PCDHGA5: variants seen among roughly 807,000 people sequenced by gnomAD.
PCDHGA5 encodes protocadherin gamma-A5.
Under a neutral mutation model 56.7 loss-of-function variants are expected in PCDHGA5, and 36 were observed. That is an observed-to-expected ratio of 0.64 (90% CI 0.49 to 0.84). The LOEUF (loss-of-function observed/expected upper bound fraction) is 0.84. Ranked by LOEUF, PCDHGA5 falls within the 40% of genes least tolerant of loss-of-function variation. The pLI is 0.00. For missense variants in PCDHGA5, 1,305 were observed against 1,201.5 expected (o/e 1.09, Z -1.27); for synonymous variants, 563 against 520.2 (o/e 1.08, Z -1.12).
Position 141,431,972 on chromosome 5 carries a change from G to T in PCDHGA5, c.2422-62835G>T, listed in dbSNP as rs750484866. On this transcript the variant is annotated intron_variant, in intron 1 of 3. Coordinates refer to ENST00000518069, the MANE Select transcript of PCDHGA5 (RefSeq NM_018918.3). The surrounding 1 kb of genome is among the most constrained non-coding windows in gnomAD (Gnocchi z 4.8). ...ATCTTACGGAAATTACTATAGTTTA[G>T]TCACAGACATAGTCTTGGATAGGGA... is the stretch of plus-strand genomic sequence containing the variant. The T allele has an allele frequency of 8.1e-6, 13 of 1,614,072 alleles. No homozygotes were observed. Among genetic ancestry groups the T allele is most frequent in the Non-Finnish European group, 1.1e-5 (13 of 1,180,028 alleles).
chr5:141,383,853 G>A (rs942698942), intron 1 of PCDHGA5: 7 of 1,613,828 alleles, frequency 4.3e-6, no homozygotes, highest in African/African-American at 2.7e-5. Flanking sequence ...ATGAAATGGA[G>A]GTTCAGGCTC....
chr5:141,477,066 T>C lies in PCDHGA5; in HGVS notation c.2422-17741T>C. ...CGGCTGGACTTCGAGGACACCAAAC[T>C]CCATGAGATTTACATCCAGGCCAAA... On this transcript the variant is annotated intron_variant, in intron 1 of 3. Coordinates refer to ENST00000518069, the MANE Select transcript of PCDHGA5 (RefSeq NM_018918.3). This position sits in a 1 kb window ranked among gnomAD's most constrained non-coding sequence, Gnocchi z 4.9. 6.2e-7 allele frequency: 1 copy of C among 1,614,148 alleles called. No homozygotes were observed. The highest frequency in any genetic ancestry group is 8.5e-7 in the Non-Finnish European group (1 of 1,180,028).
chr5:141,395,124 C>T, intron 1 of PCDHGA5: 2 of 1,614,194 alleles, frequency 1.2e-6, no homozygotes, highest in Non-Finnish European at 1.7e-6. Context: ...CCTGATCTTT[C>T]CCCAGCCCAA....
Position 141,423,752 on chromosome 5 carries a change from G to A in PCDHGA5, c.2421+57001G>A, listed in dbSNP as rs749899386. 4.7e-6 allele frequency: 3 copies of A among 644,956 alleles called. 1 individual carries two copies. The highest frequency in any genetic ancestry group is 1.1e-4 in the South Asian group (2 of 17,914). 40.0% of individuals were successfully genotyped at this position (644,956 alleles called of 1,614,324 possible). ...TTGAGCCTGTTATGAAAACTGTTTGGGGGGGGGGTGGGGCGGCATATATTT... is the reference window on the plus strand; with the variant it reads ...TTGAGCCTGTTATGAAAACTGTTTGAGGGGGGGGTGGGGCGGCATATATTT... On this transcript the variant is annotated intron_variant, in intron 1 of 3. Transcript: ENST00000518069.
At chr5:141,444,752 T>C (rs1376810825) in intron 1 of PCDHGA5, among the ~76,000 whole-genome samples, 2 of 152,228 alleles carry the variant, frequency 1.3e-5, no homozygotes, top group Non-Finnish European at 2.9e-5. Context: ...CTGATATATG[T>C]AGTTCTATTT....
At chr5:141,478,295 T>C (rs1210224121) in intron 1 of PCDHGA5, 5 of 1,614,004 alleles carry the variant, frequency 3.1e-6, no homozygotes, top group African/African-American at 2.7e-5. Flanking sequence ...TAGAGACCTA[T>C]ACCGAGCCCC....
At position 141,489,800 on chromosome 5, in the gene PCDHGA5, A is replaced by T. The variant is rs2099692478; in HGVS notation, c.2422-5007A>T. 1 of 1,614,166 alleles carries T rather than the reference A, an allele frequency of 6.2e-7. No homozygotes were observed. Among genetic ancestry groups the T allele is most frequent in the Non-Finnish European group, 8.5e-7 (1 of 1,179,994 alleles). On this transcript the variant is annotated intron_variant, in intron 1 of 3. Coordinates refer to ENST00000518069, the MANE Select transcript of PCDHGA5 (RefSeq NM_018918.3). This position sits in a 1 kb window ranked among gnomAD's most constrained non-coding sequence, Gnocchi z 4.5. ...TCTCTGAATGTGAAGACCCTAAAAG[A>T]TGGGAAGCCATTCCCAGAGCTGGTG...
At chr5:141,371,584 A>C in intron 1 of PCDHGA5, 1 of 1,613,962 alleles carries the variant, frequency 6.2e-7, no homozygotes, top group Non-Finnish European at 8.5e-7. Flanking sequence ...ATCGTTCAAG[A>C]TACCAAAAAC....
chr5:141,372,682 C>G, intron 1 of PCDHGA5: 1 of 1,614,010 alleles, frequency 6.2e-7, no homozygotes, highest in Non-Finnish European at 8.5e-7. Context: ...TCCTCAAACA[C>G]CGAGTTTAAA....
chr5:141,394,701 C>T lies in PCDHGA5; in HGVS notation c.2421+27950C>T, dbSNP rs375281416. Reference sequence around the variant, plus strand: ...GCACACGGGCGAGGTGCGCACGGCGCGAGCCCTGCTGGACAGAGATGCGCT... The same window carrying T: ...GCACACGGGCGAGGTGCGCACGGCGTGAGCCCTGCTGGACAGAGATGCGCT... On this transcript the variant is annotated intron_variant, in intron 1 of 3. Coordinates refer to ENST00000518069, the MANE Select transcript of PCDHGA5 (RefSeq NM_018918.3). The T allele has an allele frequency of 1.0e-4, 163 of 1,613,044 alleles. 1 individual carries two copies. The highest frequency in any genetic ancestry group is 1.3e-4 in the Non-Finnish European group (159 of 1,179,888).
At chr5:141,434,431 T>C (rs931458644) in intron 1 of PCDHGA5, among the ~76,000 whole-genome samples, 2 of 152,186 alleles carry the variant, frequency 1.3e-5, no homozygotes, top group African/African-American at 2.4e-5. Context: ...ATGATGGCCG[T>C]AATGCCCATG....
rs948944459 is a variant in PCDHGA5 at position 141,476,485 on chromosome 5, G to T, written c.2422-18322G>T. 1 of 1,614,076 alleles carries T rather than the reference G, an allele frequency of 6.2e-7. No individual in the cohort carries two copies. The highest frequency in any genetic ancestry group is 8.5e-7 in the Non-Finnish European group (1 of 1,180,016). ...CGCTGGAGCTGTTCAGCGTGGAAGT[G>T]GTGATCCAGGACATCAACGACAACA... is the stretch of plus-strand genomic sequence containing the variant. On this transcript the variant is annotated intron_variant, in intron 1 of 3. Coordinates refer to ENST00000518069, the MANE Select transcript of PCDHGA5 (RefSeq NM_018918.3). The surrounding 1 kb of genome is among the most constrained non-coding windows in gnomAD (Gnocchi z 7.6).
chr5:141,413,398 A>G lies in PCDHGA5; in HGVS notation c.2421+46647A>G, dbSNP rs780416951. The G allele has an allele frequency of 1.9e-5, 30 of 1,613,944 alleles. No homozygotes were observed. Among genetic ancestry groups the G allele is most frequent in the African/African-American group, 4.0e-5 (3 of 74,960 alleles). Reference sequence around the variant, plus strand: ...CGGAGTCCGCATAGTCTCCAGAGGTAGGACGCAGCTTTTCTCTCTGAACCC... The same window carrying G: ...CGGAGTCCGCATAGTCTCCAGAGGTGGGACGCAGCTTTTCTCTCTGAACCC... On this transcript the variant is annotated intron_variant, in intron 1 of 3. Transcript: ENST00000518069.
At chr5:141,389,939 G>A in intron 1 of PCDHGA5, 1 of 1,614,082 alleles carries the variant, frequency 6.2e-7, no homozygotes, top group Non-Finnish European at 8.5e-7. Context: ...TCCAGGCTGA[G>A]CTGCAGTTTT....
rs1412265811 is a variant in PCDHGA5, at chr5:141,461,565, A to G, written c.2422-33242A>G. Among the ~76,000 whole-genome samples the G allele has an allele frequency of 2.6e-5, 4 of 152,178 alleles. No individual in the cohort carries two copies. The East Asian group carries it at 7.7e-4, about 29-fold the overall frequency. On this transcript the variant is annotated intron_variant, in intron 1 of 3. Coordinates refer to ENST00000518069, the MANE Select transcript of PCDHGA5 (RefSeq NM_018918.3). ...CCTTTGTCAGATGTGTACTTTGCAA[A>G]GATAATATTTTGGATGTTATATTTC...
chr5:141,467,878 C>T (rs937986234), intron 1 of PCDHGA5, among the ~76,000 whole-genome samples: 8 of 151,998 alleles, frequency 5.3e-5, no homozygotes, highest in Non-Finnish European at 7.4e-5. Flanking sequence ...AGGCTGGTCT[C>T]AAACTCCTGA....
chr5:141,486,271 C>T lies in PCDHGA5; in HGVS notation c.2422-8536C>T. 1 of 1,614,086 alleles carries T rather than the reference C, an allele frequency of 6.2e-7. No homozygotes were observed. Among genetic ancestry groups the T allele is most frequent in the Non-Finnish European group, 8.5e-7 (1 of 1,179,994 alleles). ...CCCTCCCCGAGAGTGCAGAACCTGG[C>T]ACTGTGGTGGCACTTATCAGTGTGC... On this transcript the variant is annotated intron_variant, in intron 1 of 3. Coordinates refer to ENST00000518069, the MANE Select transcript of PCDHGA5 (RefSeq NM_018918.3). The surrounding 1 kb of genome is among the most constrained non-coding windows in gnomAD (Gnocchi z 5.0).
chr5:141,467,506 G>A (rs1364362269), intron 1 of PCDHGA5, among the ~76,000 whole-genome samples: 1 of 152,094 alleles, frequency 6.6e-6, no homozygotes, highest in Non-Finnish European at 1.5e-5. Flanking sequence ...TGATCTAATT[G>A]GAGTTTATTC....
At chr5:141,469,373 G>A (rs532041259) in intron 1 of PCDHGA5, among the ~76,000 whole-genome samples, 3 of 151,992 alleles carry the variant, frequency 2.0e-5, no homozygotes, top group South Asian at 2.1e-4. Context: ...TAAAGAGATC[G>A]AGACCATCCT....
Sources: gnomAD v4.1 joint callset for allele counts (sites outside exome capture counted in the v4.1 genomes callset) on GRCh38, gnomAD v4.1.1 for gene constraint, Gnocchi (gnomAD v3.1) non-coding constraint, MANE v1.5 for transcripts, NCBI Gene and HGNC (gene_info 2026-07-23, HGNC 2026-07-21) for gene names.